Variants in LRRTM4 observed in about 807,000 individuals in gnomAD.
The protein encoded by LRRTM4 is leucine rich repeat transmembrane neuronal 4.
In LRRTM4, 25 loss-of-function variants were observed where a neutral mutation model predicts 47.6. The observed-to-expected ratio is 0.53, with a 90% CI of 0.38 to 0.73. The LOEUF (loss-of-function observed/expected upper bound fraction) is 0.73, where lower values mean the gene tolerates loss of function less well. LRRTM4 is among the 30% of genes least tolerant of loss of function. The probability of loss-of-function intolerance (pLI) is 0.00; values close to 1 mark genes in which losing one functional copy is unlikely to be tolerated. For synonymous variants in LRRTM4, 311 were observed against 269.5 expected (o/e 1.15, Z -1.51); for missense variants, 638 against 713.4 (o/e 0.89, Z 1.20).
At position 77,047,458 on chromosome 2, in the gene LRRTM4, G is replaced by C. The variant is rs145712358; in HGVS notation, c.1552-298542C>G. ...TTTCTGGAGTGTTGGTTCCTTCTGA[G>C]AGCTGTGAGGAAGAAGCTGTTCTAC... On this transcript the variant is annotated intron_variant, in intron 3 of 3. Transcript: ENST00000409884. Among the ~76,000 whole-genome samples the C allele has an allele frequency of 5.7e-4, 86 of 152,104 alleles. No homozygotes were observed. The East Asian group carries it at 0.015, about 27-fold the overall frequency.
intron 3 of LRRTM4, among the ~76,000 whole-genome samples, chr2:76,836,787 T>G (rs532175986): frequency 6.6e-6 from 1 of 152,078 alleles, no homozygotes; most frequent in African/African-American, 2.4e-5. Context: ...GAACAGAATA[T>G]ATTTCTTAAA....
At chr2:77,122,057 T>C (rs933951764) in intron 3 of LRRTM4, among the ~76,000 whole-genome samples, 1 of 151,680 alleles carries the variant, frequency 6.6e-6, no homozygotes, top group African/African-American at 2.4e-5. Context: ...ATATAAATAT[T>C]ATTCTACCCA....
At chr2:77,291,885 A>T in intron 3 of LRRTM4, among the ~76,000 whole-genome samples, 1 of 152,112 alleles carries the variant, frequency 6.6e-6, no homozygotes, top group Non-Finnish European at 1.5e-5. Flanking sequence ...CAGCAAAAGA[A>T]ACTACCATCA....
chr2:77,325,240 G>A (rs917469291), intron 3 of LRRTM4, among the ~76,000 whole-genome samples: 3 of 152,000 alleles, frequency 2.0e-5, no homozygotes, highest in South Asian at 2.1e-4. Context: ...TGGTTCTAGG[G>A]AACAAACAAA....
At chr2:77,178,604 C>A (rs1273738312) in intron 3 of LRRTM4, among the ~76,000 whole-genome samples, 2 of 151,896 alleles carry the variant, frequency 1.3e-5, no homozygotes, top group Non-Finnish European at 2.9e-5. Flanking sequence ...ACAACAACAA[C>A]AACAACAACA....
At chr2:76,873,138 T>A (rs889282837) in intron 3 of LRRTM4, among the ~76,000 whole-genome samples, 20 of 152,250 alleles carry the variant, frequency 1.3e-4, no homozygotes, top group African/African-American at 4.8e-4. Flanking sequence ...CAGTAATTTA[T>A]GACATAAACG....
chr2:76,758,341 G>A (rs147365230), intron 3 of LRRTM4, among the ~76,000 whole-genome samples: 116 of 152,244 alleles, frequency 7.6e-4, no homozygotes, highest in African/African-American at 2.6e-3. Flanking sequence ...CTGTACCTCT[G>A]TAAAGCAGAA....
chr2:76,785,143 T>C (rs1361562750), intron 3 of LRRTM4, among the ~76,000 whole-genome samples: 1 of 152,116 alleles, frequency 6.6e-6, no homozygotes, highest in Non-Finnish European at 1.5e-5. Context: ...GTACAAACAA[T>C]TAATTTAAAA....
intron 3 of LRRTM4, among the ~76,000 whole-genome samples, chr2:76,970,156 T>A (rs1409987113): frequency 6.6e-6 from 1 of 152,024 alleles, no homozygotes; most frequent in African/African-American, 2.4e-5. Flanking sequence ...CCATGATATG[T>A]AAAATGGTTC....
In LRRTM4 at chr2:76,748,611, G is replaced by A. The variant is rs1672726903; in HGVS notation, c.*84C>T. The A allele has an allele frequency of 5.6e-6, 6 of 1,066,846 alleles. No homozygotes were observed. The highest frequency in any genetic ancestry group is 1.9e-5 in the Admixed American group (1 of 53,748). 66.1% of individuals were successfully genotyped at this position (1,066,846 alleles called of 1,614,324 possible). A position where few individuals can be genotyped will look rare whatever the true frequency, so the allele number is the denominator to read the frequency against. On this transcript the variant is annotated 3_prime_UTR_variant, in exon 4 of 4. Transcript: ENST00000409884. ...AGGAACGATGAGCTTGCTCGATTGC[G>A]CGATTGTGGACACCCATTCTCCTTT...
intron 3 of LRRTM4, among the ~76,000 whole-genome samples, chr2:76,896,879 T>C (rs578231126): frequency 1.3e-5 from 2 of 149,628 alleles, no homozygotes; most frequent in East Asian, 3.9e-4. Flanking sequence ...TAAATAATCA[T>C]GTAACACAAC....
intron 3 of LRRTM4, among the ~76,000 whole-genome samples, chr2:77,023,749 C>A (rs1246151762): frequency 1.3e-5 from 2 of 152,198 alleles, no homozygotes; most frequent in Non-Finnish European, 2.9e-5. Context: ...AGCCACTCAA[C>A]AAGGCTCTAG....
At chr2:77,170,791 T>TTTA (rs1673026360) in intron 3 of LRRTM4, among the ~76,000 whole-genome samples, 3 of 119,856 alleles carry the variant, frequency 2.5e-5, no homozygotes, top group African/African-American at 9.1e-5. Context: ...TTCTTAGTTT[T>TTTA]TTCTATGTCA....
chr2:77,502,506 G>T (rs1169928456), intron 3 of LRRTM4, among the ~76,000 whole-genome samples: 1 of 151,512 alleles, frequency 6.6e-6, no homozygotes, highest in Non-Finnish European at 1.5e-5. Context: ...TTTCAAAGAA[G>T]ATATGTAATT....
intron 3 of LRRTM4, among the ~76,000 whole-genome samples, chr2:77,225,318 CA>C (rs35984867): frequency 0.19 from 28,678 of 149,200 alleles, 5,203 homozygotes; most frequent in African/African-American, 0.48. Context: ...ACATATGTAA[CA>C]AACCTGCACG....
chr2:77,052,721 GGT>G (rs201634166), intron 3 of LRRTM4, among the ~76,000 whole-genome samples: 230 of 146,908 alleles, frequency 1.6e-3, no homozygotes, highest in Admixed American at 5.9e-3. Context: ...TGTGCGTAGG[GGT>G]GTGTGTGTGT....
chr2:76,999,542 C>A (rs1335911589), intron 3 of LRRTM4, among the ~76,000 whole-genome samples: 2 of 151,890 alleles, frequency 1.3e-5, no homozygotes, highest in Non-Finnish European at 2.9e-5. Flanking sequence ...ATATATTGAG[C>A]CTAGGCGGGC....
intron 3 of LRRTM4, among the ~76,000 whole-genome samples, chr2:76,941,402 T>G (rs2103861612): frequency 6.6e-6 from 1 of 152,022 alleles, no homozygotes; most frequent in South Asian, 2.1e-4. Context: ...GCCATGGTGG[T>G]TTGCTGCACC....
intron 3 of LRRTM4, among the ~76,000 whole-genome samples, chr2:76,756,414 G>A (rs1267859189): frequency 6.6e-6 from 1 of 152,080 alleles, no homozygotes; most frequent in East Asian, 1.9e-4. Context: ...CATTCTGACT[G>A]CCTAGTGACC....
Sources: gnomAD v4.1 joint callset for allele counts (sites outside exome capture counted in the v4.1 genomes callset) on GRCh38, gnomAD v4.1.1 for gene constraint, MANE v1.5 for transcripts, NCBI Gene and HGNC (gene_info 2026-07-23, HGNC 2026-07-21) for gene names.